The following UST variants were observed in gnomAD, a reference collection of about 807,000 sequenced individuals.
UST encodes chondroitin sulfate 2-O-sulfotransferase.
A neutral mutation model predicts 45.6 loss-of-function variants in UST; 21 were observed. The ratio of observed to expected loss-of-function variants is 0.46; its 90% confidence interval spans 0.33 to 0.66. The LOEUF is 0.66. UST is among the 30% of genes least tolerant of loss of function. UST has a pLI of 0.02. For missense variants in UST, 463 were observed against 512.4 expected (o/e 0.90, Z 0.93); for synonymous variants, 215 against 200.6 (o/e 1.07, Z -0.61).
At chr6:148,844,524 T>A (rs12526482) in intron 1 of UST, among the ~76,000 whole-genome samples, 1 of 152,150 alleles carries the variant, frequency 6.6e-6, no homozygotes, top group East Asian at 1.9e-4. Context: ...GTAGAACATG[T>A]CCACTGATCA....
chr6:148,971,987 C>T (rs1414114546), intron 5 of UST, among the ~76,000 whole-genome samples: 1 of 152,162 alleles, frequency 6.6e-6, no homozygotes, highest in Non-Finnish European at 1.5e-5. Flanking sequence ...GGGACATCAA[C>T]CATGTGCAAA....
At chr6:149,012,355 A>T (rs1175922370) in intron 5 of UST, among the ~76,000 whole-genome samples, 2 of 152,212 alleles carry the variant, frequency 1.3e-5, no homozygotes, top group African/African-American at 4.8e-5. Context: ...AGAGTGTATG[A>T]GGCAATAAAA....
chr6:148,904,327 T>C (rs1224969110), intron 2 of UST, among the ~76,000 whole-genome samples: 1 of 152,198 alleles, frequency 6.6e-6, no homozygotes, highest in Non-Finnish European at 1.5e-5. Flanking sequence ...AGTTGATATA[T>C]ATTCATGGAT....
intron 1 of UST, among the ~76,000 whole-genome samples, chr6:148,885,629 G>A (rs1010896599): frequency 1.4e-4 from 21 of 152,182 alleles, no homozygotes; most frequent in Admixed American, 1.2e-3. Flanking sequence ...TGGCCACTGT[G>A]AACACCAAGT....
intron 7 of UST, among the ~76,000 whole-genome samples, chr6:149,042,174 A>T (rs1776324234): frequency 6.6e-6 from 1 of 152,224 alleles, no homozygotes; most frequent in Non-Finnish European, 1.5e-5. Flanking sequence ...TGAAGTTTGT[A>T]TATGACGTCA....
At chr6:148,774,174 G>T (rs1776486191) in intron 1 of UST, among the ~76,000 whole-genome samples, 1 of 151,956 alleles carries the variant, frequency 6.6e-6, no homozygotes, top group Admixed American at 6.6e-5. Context: ...ATCACCAACA[G>T]ATCACTATGG....
chr6:149,067,929 C>T (rs149549455), intron 7 of UST, among the ~76,000 whole-genome samples: 85 of 152,204 alleles, frequency 5.6e-4, no homozygotes, highest in Admixed American at 3.1e-3. Context: ...AATAAACCAC[C>T]AGGACGCAGT....
chr6:149,005,468 C>T lies in UST; in HGVS notation c.682-13671C>T, dbSNP rs142678679. On this transcript the variant is annotated intron_variant, in intron 5 of 7. Transcript: ENST00000367463. ...ACCTCAGCAGTGTCTCTCTGCCTCT[C>T]ACCAAATTGACAGTGGGCCCGAACT... is the stretch of plus-strand genomic sequence containing the variant. 5 of 985,408 alleles carry T rather than the reference C, an allele frequency of 5.1e-6. No homozygotes were observed. In the African/African-American group the frequency reaches 5.2e-5, roughly 10 times the overall value. The allele number at this position is 985,408 out of a possible 1,614,324, so 61.0% of individuals were successfully genotyped here.
chr6:148,777,178 G>A (rs1776551138), intron 1 of UST, among the ~76,000 whole-genome samples: 1 of 152,130 alleles, frequency 6.6e-6, no homozygotes, highest in South Asian at 2.1e-4. Context: ...AAAACCGACT[G>A]CTCTTAATGA....
intron 5 of UST, among the ~76,000 whole-genome samples, chr6:149,011,561 A>G (rs1273267041): frequency 2.0e-5 from 3 of 152,212 alleles, no homozygotes; most frequent in African/African-American, 7.2e-5. Flanking sequence ...AGACATTTCT[A>G]TTTTTGGGGG....
chr6:149,057,771 CTAAA>C (rs921423628), intron 7 of UST, among the ~76,000 whole-genome samples: 1 of 152,044 alleles, frequency 6.6e-6, no homozygotes, highest in Non-Finnish European at 1.5e-5. Flanking sequence ...GATGATAAAA[CTAAA>C]TAAACAATAT....
intron 3 of UST, among the ~76,000 whole-genome samples, chr6:148,951,863 TC>T (rs910226078): frequency 2.0e-5 from 3 of 152,242 alleles, no homozygotes; most frequent in East Asian, 1.9e-4. Context: ...TCCATTTTTT[TC>T]CTCCTGAAAT....
At chr6:148,957,023 C>A (rs73778972) in intron 4 of UST, among the ~76,000 whole-genome samples, 3 of 152,090 alleles carry the variant, frequency 2.0e-5, no homozygotes, top group Non-Finnish European at 4.4e-5. Context: ...CCCAGCACAG[C>A]GACCAGCAGA....
intron 1 of UST, among the ~76,000 whole-genome samples, chr6:148,771,005 G>A (rs112604407): frequency 0.018 from 2,693 of 152,120 alleles, 79 homozygotes; most frequent in African/African-American, 0.059. Context: ...TATTGATTTA[G>A]TAGAACAGAG....
intron 1 of UST, among the ~76,000 whole-genome samples, chr6:148,844,579 G>C (rs1195557254): frequency 2.0e-5 from 3 of 151,998 alleles, no homozygotes; most frequent in African/African-American, 7.2e-5. Flanking sequence ...CAGCCACTCA[G>C]GATTAGGGCT....
intron 7 of UST, among the ~76,000 whole-genome samples, chr6:149,029,409 A>T (rs1445923256): frequency 7.2e-6 from 1 of 139,010 alleles, no homozygotes; most frequent in East Asian, 2.0e-4. Context: ...TATATATAAA[A>T]TATATACATT....
Position 148,814,481 on chromosome 6 carries a change from TA to T in UST, c.247+66814del, listed in dbSNP as rs908484564. ...CAAAACTCTGAACATTCAACTGCAT[TA>T]AAAAAAAAATCATGCCAAGAGGGCC... On this transcript the variant is annotated intron_variant, in intron 1 of 7. Transcript: ENST00000367463. Among the ~76,000 whole-genome samples, 475 of 149,256 alleles carry T rather than the reference TA, an allele frequency of 3.2e-3. 1 individual carries two copies. Among genetic ancestry groups the T allele is most frequent in the Admixed American group, 5.7e-3 (86 of 14,988 alleles).
At chr6:149,029,027 C>A (rs189168483) in intron 7 of UST, among the ~76,000 whole-genome samples, 39 of 152,238 alleles carry the variant, frequency 2.6e-4, no homozygotes, top group Admixed American at 2.4e-3. Flanking sequence ...GTGGCGATGT[C>A]TCTCCATTTT....
chr6:148,902,474 G>A (rs1459340950), intron 2 of UST, among the ~76,000 whole-genome samples: 1 of 151,490 alleles, frequency 6.6e-6, no homozygotes, highest in African/African-American at 2.4e-5. Context: ...GGGCTTAAGC[G>A]ATCCTCCCGC....
Sources: gnomAD v4.1 joint callset for allele counts (sites outside exome capture counted in the v4.1 genomes callset) on GRCh38, gnomAD v4.1.1 for gene constraint, MANE v1.5 for transcripts, NCBI Gene and HGNC (gene_info 2026-07-23, HGNC 2026-07-21) for gene names.